DIPK1A: variants seen among roughly 807,000 people sequenced by gnomAD.
The protein encoded by DIPK1A is family with sequence similarity 69 member A.
In DIPK1A, 27 loss-of-function variants were observed where a neutral mutation model predicts 40.8. The observed-to-expected ratio is 0.66, with a 90% CI of 0.49 to 0.91. The LOEUF is 0.91. Ranked by LOEUF, DIPK1A falls within the 40% of genes least tolerant of loss-of-function variation. The pLI is 0.00. For missense variants in DIPK1A, 412 were observed against 505.7 expected, an observed-to-expected ratio of 0.81 and a Z score of 1.78; for synonymous variants, 166 against 171.3, an observed-to-expected ratio of 0.97 and a Z score of 0.24.
At chr1:92,877,184 A>G (rs1307248242) in intron 1 of DIPK1A, 2 of 974,632 alleles carry the variant, frequency 2.1e-6, no homozygotes, top group Non-Finnish European at 2.4e-6. Context: ...TCTAATTGCA[A>G]CTCGGGCTGG....
At chr1:92,946,662 G>A (rs192928654) in intron 1 of DIPK1A, among the ~76,000 whole-genome samples, 165 of 152,308 alleles carry the variant, frequency 1.1e-3, no homozygotes, top group African/African-American at 3.8e-3. Context: ...AACAGAGGTA[G>A]GCTGGGCCCG....
At chr1:92,880,295 A>T in intron 1 of DIPK1A, among the ~76,000 whole-genome samples, 1 of 152,250 alleles carries the variant, frequency 6.6e-6, no homozygotes, top group Non-Finnish European at 1.5e-5. Flanking sequence ...AATGCATAAA[A>T]TATTAGTAAT....
In DIPK1A at chr1:92,845,821, C is replaced by T. The variant is rs186957899; in HGVS notation, c.474+1362G>A. Among the ~76,000 whole-genome samples, 55 of 140,912 alleles carry T rather than the reference C, an allele frequency of 3.9e-4. No homozygotes were observed. The East Asian group carries it at 4.1e-3, about 11-fold the overall frequency. 92.4% of individuals were successfully genotyped at this position (140,912 alleles called of 152,430 possible). A position where few individuals can be genotyped will look rare whatever the true frequency, so the allele number is the denominator to read the frequency against. On this transcript the variant is annotated intron_variant, in intron 4 of 4. Transcript: ENST00000370310. ...CTGCACTCCAGCCTGGGCAACAGAG[C>T]GAGACTCCGTCTAAAAAAAAAAAAA...
At chr1:92,934,443 A>T (rs192760220) in intron 1 of DIPK1A, among the ~76,000 whole-genome samples, 1 of 152,228 alleles carries the variant, frequency 6.6e-6, no homozygotes, top group Admixed American at 6.5e-5. Context: ...TTTTTTTCTT[A>T]ACAGTTTAAA....
chr1:92,833,887 C>G, intron 4 of DIPK1A: 1 of 536,294 alleles, frequency 1.9e-6, no homozygotes. Flanking sequence ...GGGAAGATTG[C>G]TTGAGCCCAG....
chr1:92,912,971 G>T (rs1649893970), intron 1 of DIPK1A, among the ~76,000 whole-genome samples: 1 of 152,230 alleles, frequency 6.6e-6, no homozygotes, highest in East Asian at 1.9e-4. Context: ...AGGCATGGTG[G>T]CATGCATCTG....
intron 4 of DIPK1A, among the ~76,000 whole-genome samples, 160 bp from the exon 5 acceptor site, chr1:92,844,355 C>T (rs1163345784): frequency 6.6e-6 from 1 of 152,216 alleles, no homozygotes; most frequent in Non-Finnish European, 1.5e-5. Context: ...ATTTATGATA[C>T]TTCCTAAGTG....
intron 2 of DIPK1A, among the ~76,000 whole-genome samples, chr1:92,856,692 C>A (rs918796317): frequency 6.6e-6 from 1 of 152,152 alleles, no homozygotes; most frequent in African/African-American, 2.4e-5. Context: ...GCTGGGATTA[C>A]AGGCGTGAAC....
intron 4 of DIPK1A, among the ~76,000 whole-genome samples, chr1:92,846,850 T>TATATATATAC (rs1687642593): frequency 2.3e-4 from 2 of 8,872 alleles, no homozygotes; most frequent in African/African-American, 1.6e-3. Flanking sequence ...TATGTGTGTA[T>TATATATATAC]ATATATATGT....
chr1:92,903,890 C>T (rs1207312211), intron 1 of DIPK1A, among the ~76,000 whole-genome samples: 1 of 152,166 alleles, frequency 6.6e-6, no homozygotes, highest in Non-Finnish European at 1.5e-5. Context: ...GAATGAACAT[C>T]ACCAACACCT....
At chr1:92,875,963 T>C (rs1242514629) in intron 2 of DIPK1A, among the ~76,000 whole-genome samples, 1 of 151,082 alleles carries the variant, frequency 6.6e-6, no homozygotes, top group African/African-American at 2.4e-5. Context: ...AAATACGCTT[T>C]TATAGTCTAA....
chr1:92,877,017 T>C lies in DIPK1A; in HGVS notation c.55-587A>G, dbSNP rs1648162165. ...CAAATGTTTCACCGAATAGATATTC[T>C]GGAAACTGAGGAGACGCTAACAATT... is the stretch of plus-strand genomic sequence containing the variant. On this transcript the variant is annotated intron_variant, in intron 1 of 4. Coordinates refer to ENST00000370310, the MANE Select transcript of DIPK1A (RefSeq NM_001006605.5). The C allele has an allele frequency of 4.1e-6, 4 of 985,258 alleles. No homozygotes were observed. In the South Asian group the frequency reaches 1.9e-4, roughly 46 times the overall value. The allele number at this position is 985,258 out of a possible 1,614,324, so 61.0% of individuals were successfully genotyped here.
intron 1 of DIPK1A, among the ~76,000 whole-genome samples, chr1:92,888,100 C>T (rs536376808): frequency 7.9e-5 from 12 of 152,000 alleles, no homozygotes; most frequent in Non-Finnish European, 1.6e-4. Context: ...ATTATAGTCA[C>T]CCTATATTAC....
chr1:92,922,249 T>C (rs1366728143), intron 1 of DIPK1A, among the ~76,000 whole-genome samples: 1 of 152,052 alleles, frequency 6.6e-6, no homozygotes, highest in African/African-American at 2.4e-5. Flanking sequence ...AAGTAGAAGA[T>C]TTGAAAATCA....
intron 1 of DIPK1A, among the ~76,000 whole-genome samples, chr1:92,900,179 A>G (rs1313807504): frequency 6.6e-6 from 1 of 152,278 alleles, no homozygotes; most frequent in East Asian, 1.9e-4. Flanking sequence ...GTTTTCAGCT[A>G]TTATTTCATC....
At chr1:92,865,641 A>G (rs964358918) in intron 2 of DIPK1A, among the ~76,000 whole-genome samples, 2 of 152,206 alleles carry the variant, frequency 1.3e-5, no homozygotes, top group African/African-American at 4.8e-5. Context: ...ATGGATGATG[A>G]CAGTGGAAAG....
intron 2 of DIPK1A, among the ~76,000 whole-genome samples, chr1:92,859,168 T>C (rs1033664356): frequency 3.9e-5 from 6 of 152,132 alleles, no homozygotes. Context: ...TTTAAGTAAT[T>C]TTCTAAGATG....
At chr1:92,837,063 C>T (rs979363776) in intron 4 of DIPK1A, 2 of 323,704 alleles carry the variant, frequency 6.2e-6, no homozygotes, top group Non-Finnish European at 1.2e-5. Flanking sequence ...TGCAAGTACA[C>T]CAAGAGCATT....
intron 1 of DIPK1A, among the ~76,000 whole-genome samples, chr1:92,918,107 T>G (rs184742163): frequency 2.6e-5 from 4 of 152,312 alleles, no homozygotes; most frequent in African/African-American, 4.8e-5. Context: ...TTTGTTTATA[T>G]TACAAGGCTT....
Sources: allele counts gnomAD v4.1 joint callset (sites outside exome capture counted in the v4.1 genomes callset), GRCh38; gene constraint gnomAD v4.1.1; transcripts MANE v1.5; gene names NCBI Gene and HGNC (gene_info 2026-07-23, HGNC 2026-07-21).